The following FEZ2 variants were observed in gnomAD, a reference collection of about 807,000 sequenced individuals.
FEZ2 encodes fasciculation and elongation protein zeta-2.
In FEZ2, 51 loss-of-function variants were observed where a neutral mutation model predicts 40.4. That is an observed-to-expected ratio of 1.26 (90% confidence interval 1.01 to 1.59). FEZ2 has a LOEUF of 1.59. FEZ2 is among the 40% of genes most tolerant of loss of function. FEZ2 has a pLI of 0.00. For missense variants in FEZ2, 640 were observed against 438.3 expected (o/e 1.46, Z -4.11); for synonymous variants, 242 against 172.0 (o/e 1.41, Z -3.18).
chr2:36,578,514 C>T (rs1422111023), intron 5 of FEZ2, 83 bp downstream of exon 5: 18 of 1,427,016 alleles, frequency 1.3e-5, no homozygotes, highest in East Asian at 2.3e-5. Context: ...TACAACCTGT[C>T]GCACCTGCCA....
At chr2:36,587,027 C>T (rs1482573221) in intron 2 of FEZ2, among the ~76,000 whole-genome samples, 1 of 152,142 alleles carries the variant, frequency 6.6e-6, no homozygotes, top group Non-Finnish European at 1.5e-5. Context: ...AAGATGCATA[C>T]AAAAGTCCCT....
At chr2:36,576,422 AC>A (rs1668570758) in intron 5 of FEZ2, among the ~76,000 whole-genome samples, 1 of 152,134 alleles carries the variant, frequency 6.6e-6, no homozygotes, top group Admixed American at 6.5e-5. Context: ...GGCATGCGCC[AC>A]CACGCCCAAC....
At chr2:36,590,770 G>C in intron 2 of FEZ2, 133 bp downstream of exon 2, 1 of 638,274 alleles carries the variant, frequency 1.6e-6, no homozygotes, top group Non-Finnish European at 2.8e-6. Flanking sequence ...CATCAAGACA[G>C]AGCCACCCAA....
intron 6 of FEZ2, chr2:36,556,806 T>G (rs985391868): frequency 4.6e-5 from 7 of 152,252 alleles, no homozygotes; most frequent in African/African-American, 1.7e-4. Context: ...TTTAAATTTT[T>G]ATTAACTATT....
intron 5 of FEZ2, among the ~76,000 whole-genome samples, chr2:36,578,057 C>T (rs1453295070): frequency 2.0e-5 from 3 of 152,214 alleles, no homozygotes; most frequent in Non-Finnish European, 4.4e-5. Context: ...ATAGTCTAGT[C>T]TGCCAAATAC....
At chr2:36,564,225 T>C (rs1242453024) in intron 5 of FEZ2, among the ~76,000 whole-genome samples, 2 of 152,192 alleles carry the variant, frequency 1.3e-5, no homozygotes, top group Admixed American at 6.5e-5. Context: ...TCTGTACCTA[T>C]TGTATGTTTA....
In FEZ2 at chr2:36,591,002, A is replaced by G. The variant is rs201031669; in HGVS notation, c.276T>C (p.Asn92=). The G allele has an allele frequency of 5.3e-5, 84 of 1,596,820 alleles. No individual in the cohort carries two copies. The highest frequency in any genetic ancestry group is 1.4e-5 in the Non-Finnish European group (16 of 1,164,404). The change falls in exon 2 of 8, where the codon AAT becomes AAC. Residue 92 remains asparagine (N), a synonymous_variant. Coordinates refer to ENST00000405912, the MANE Select transcript of FEZ2 (RefSeq NM_005102.3). ...RSLLQGDEIW[N]ALTDNYGNVM... ...CATTCCCATAATTATCTGTCAGGGC[A>G]TTCCAAATCCTTAAAAAGAAGAAAG...
chr2:36,584,960 C>G (rs1330506725), intron 2 of FEZ2, among the ~76,000 whole-genome samples: 1 of 152,178 alleles, frequency 6.6e-6, no homozygotes, highest in Non-Finnish European at 1.5e-5. Context: ...CAACTCCAGG[C>G]TCCTGCGCAG....
At chr2:36,553,876 C>T (rs979553231) in intron 7 of FEZ2, among the ~76,000 whole-genome samples, 8 of 152,130 alleles carry the variant, frequency 5.3e-5, no homozygotes, top group African/African-American at 1.9e-4. Context: ...GGCAAAGTGT[C>T]GTATTATTGG....
intron 1 of FEZ2, among the ~76,000 whole-genome samples, chr2:36,593,744 G>A (rs2148352998): frequency 6.6e-6 from 1 of 152,168 alleles, no homozygotes; most frequent in South Asian, 2.1e-4. Context: ...CTCTGACATG[G>A]CCTGGAGACA....
chr2:36,590,984 A>G lies in FEZ2; in HGVS notation c.294T>C (p.Tyr98=), dbSNP rs537610761. The change falls in exon 2 of 8, where the codon TAT becomes TAC. Residue 98 remains tyrosine (Y), a synonymous_variant. Transcript: ENST00000405912. ...TCCAGTCTACAGGCATCACATTCCCATAATTATCTGTCAGGGCATTCCAAA... is the reference window on the plus strand; with the variant it reads ...TCCAGTCTACAGGCATCACATTCCCGTAATTATCTGTCAGGGCATTCCAAA... ...DEIWNALTDN[Y]GNVMPVDWKS... is the part of the protein sequence containing the mutation. The G allele has an allele frequency of 3.0e-5, 48 of 1,611,016 alleles. 2 individuals carry two copies. The highest frequency in any genetic ancestry group is 2.4e-4 in the African/African-American group (18 of 75,022).
chr2:36,565,785 T>C (rs1414806919), intron 5 of FEZ2, among the ~76,000 whole-genome samples: 1 of 152,184 alleles, frequency 6.6e-6, no homozygotes, highest in Admixed American at 6.5e-5. Context: ...TCCAGTCAGA[T>C]CATTCTTGTC....
chr2:36,558,869 T>A (rs546608242), intron 5 of FEZ2: 1 of 160,516 alleles, frequency 6.2e-6, no homozygotes, highest in Admixed American at 6.4e-5. Context: ...CAACACATTT[T>A]AAAAATAGCA....
At chr2:36,588,047 G>C (rs1177071110) in intron 2 of FEZ2, among the ~76,000 whole-genome samples, 3 of 149,172 alleles carry the variant, frequency 2.0e-5, no homozygotes, top group African/African-American at 7.4e-5. Context: ...TTTATTTTTT[G>C]AGACAGAGTC....
Position 36,552,512 on chromosome 2 carries a change from A to AAGTT in FEZ2, c.*650_*651insAACT. Reference sequence around the variant, plus strand: ...ATGAAGCAGAACATTTGAAAATCAAAACTTAAATACAAGATTCTAAAAGTG... The same window carrying AAGTT: ...ATGAAGCAGAACATTTGAAAATCAAAAGTTACTTAAATACAAGATTCTAAAAGTG... On this transcript the variant is annotated 3_prime_UTR_variant, in exon 8 of 8. Coordinates refer to ENST00000405912, the MANE Select transcript of FEZ2 (RefSeq NM_005102.3). 4.1e-6 allele frequency: 1 copy of AAGTT among 245,968 alleles called. No individual in the cohort carries two copies. Among genetic ancestry groups the AAGTT allele is most frequent in the South Asian group, 4.5e-5 (1 of 22,050 alleles). The allele number at this position is 245,968 out of a possible 1,614,324, so 15.2% of individuals were successfully genotyped here.
At position 36,591,836 on chromosome 2, in the gene FEZ2, T is replaced by A. The variant is rs17019167; in HGVS notation, c.267-825A>T. ...GGCCCCTTAACCTCCCTAGGTATCC[T>A]CTGCCCTTCTATAAATGAGAGACCT... On this transcript the variant is annotated intron_variant, in intron 1 of 7. Transcript: ENST00000405912. Among the ~76,000 whole-genome samples, 1,332 of 152,258 alleles carry A rather than the reference T, an allele frequency of 8.7e-3. 10 individuals are homozygous for A. The highest frequency in any genetic ancestry group is 0.023 in the African/African-American group (961 of 41,556).
chr2:36,570,717 C>T (rs80280494), intron 5 of FEZ2, among the ~76,000 whole-genome samples: 4,143 of 152,196 alleles, frequency 0.027, 179 homozygotes, highest in African/African-American at 0.095. Context: ...CCTATATAGC[C>T]TGTTACTGTA....
intron 5 of FEZ2, among the ~76,000 whole-genome samples, chr2:36,577,287 C>T (rs186141973): frequency 1.1e-4 from 16 of 148,308 alleles, no homozygotes; most frequent in African/African-American, 1.7e-4. Context: ...GATGGAGTTT[C>T]GCTTTTGTTG....
chr2:36,575,703 C>G (rs6728602), intron 5 of FEZ2, among the ~76,000 whole-genome samples: 63,160 of 151,930 alleles, frequency 0.42, 13,616 homozygotes, highest in East Asian at 0.63. Flanking sequence ...AATAGCATCC[C>G]TATGCCCTCT....
Sources: allele counts gnomAD v4.1 joint callset (sites outside exome capture counted in the v4.1 genomes callset), GRCh38; gene constraint gnomAD v4.1.1; transcripts MANE v1.5; gene names NCBI Gene and HGNC (gene_info 2026-07-23, HGNC 2026-07-21).